The following ABCA3 variants were observed in gnomAD, a reference collection of about 807,000 sequenced individuals.
ABCA3 encodes phospholipid-transporting ATPase ABCA3.
Under a neutral mutation model 172.8 loss-of-function variants are expected in ABCA3, and 88 were observed. The ratio of observed to expected loss-of-function variants is 0.51; its 90% CI spans 0.43 to 0.61. The LOEUF (loss-of-function observed/expected upper bound fraction) is 0.61. Ranked by LOEUF, ABCA3 falls within the 20% of genes least tolerant of loss-of-function variation. The probability of loss-of-function intolerance (pLI) is 0.00; values close to 1 mark genes in which losing one functional copy is unlikely to be tolerated. For synonymous variants in ABCA3, 1,066 were observed against 983.8 expected (o/e 1.08, Z -1.56); for missense variants, 2,164 against 2,301.0 (o/e 0.94, Z 1.22).
At chr16:2,296,322 C>G (rs1415987762) in intron 17 of ABCA3, among the ~76,000 whole-genome samples, 1 of 152,096 alleles carries the variant, frequency 6.6e-6, no homozygotes, top group African/African-American at 2.4e-5. Context: ...CTTCTCCCTC[C>G]TTGGTTCAAG....
rs777816228 is a variant in ABCA3 at position 2,279,095 on chromosome 16, A to G, written c.4395T>C (p.Asp1465=). 4 of 1,612,428 alleles carry G rather than the reference A, an allele frequency of 2.5e-6. No homozygotes were observed. The highest frequency in any genetic ancestry group is 3.4e-6 in the Non-Finnish European group (4 of 1,180,026). ...RQRIGYCPQF[D]ALLDHMTGRE... is the part of the protein sequence containing the mutation. ...GGCCTGTCATGTGGTCCAGCAAGGC[A>G]TCAAACTGCGGGCAGTAGCCGATCC... The change falls in exon 29 of 33, where the codon GAT becomes GAC. Residue 1465 remains aspartate, a synonymous_variant. Transcript: ENST00000301732. This position sits in a 1 kb window ranked among gnomAD's most constrained non-coding sequence, Gnocchi z 4.4.
At chr16:2,294,559 A>G (rs1291336539) in intron 18 of ABCA3, among the ~76,000 whole-genome samples, 1 of 152,088 alleles carries the variant, frequency 6.6e-6, no homozygotes, top group African/African-American at 2.4e-5. Context: ...ATGTTGATAC[A>G]CACCTGTAGT....
Position 2,284,923 on chromosome 16 carries a change from G to A in ABCA3, c.3559C>T (p.Leu1187Phe). Reference sequence around the variant, plus strand: ...AGGGGGATGATGGCCCAGCCGTAGAGCAGGAGCAGCAGCAGGGTGTCAGCC... The same window carrying A: ...AGGGGGATGATGGCCCAGCCGTAGAACAGGAGCAGCAGCAGGGTGTCAGCC... ...HMADTLLLLL[L>F]YGWAIIPLMY... Residue 1187 changes from leucine to phenylalanine, a missense_variant, in exon 24 of 33, where the codon CTC (leucine) becomes TTC (phenylalanine). Physicochemically the swap from Leu to Phe is conservative, Grantham distance 22 (BLOSUM62 0). Transcript: ENST00000301732. This position sits in a 1 kb window ranked among gnomAD's most constrained non-coding sequence, Gnocchi z 5.9. 2 of 1,613,986 alleles carry A rather than the reference G, an allele frequency of 1.2e-6. No individual in the cohort carries two copies. Among genetic ancestry groups the A allele is most frequent in the South Asian group, 1.1e-5 (1 of 91,086 alleles).
chr16:2,301,034 T>C lies in ABCA3; in HGVS notation c.1468-886A>G, dbSNP rs535828023. On this transcript the variant is annotated intron_variant, in intron 12 of 32. Coordinates refer to ENST00000301732, the MANE Select transcript of ABCA3 (RefSeq NM_001089.3). Reference sequence around the variant, plus strand: ...TCATGAGGTCAGGAGATCGAGACCATCCTGGCTAACACGGTGAAACCCCGT... The same window carrying C: ...TCATGAGGTCAGGAGATCGAGACCACCCTGGCTAACACGGTGAAACCCCGT... Among the ~76,000 whole-genome samples, 133 of 149,164 alleles carry C rather than the reference T, an allele frequency of 8.9e-4. 2 individuals are homozygous for C. Among genetic ancestry groups the C allele is most frequent in the East Asian group, 1.6e-3 (8 of 5,058 alleles).
chr16:2,277,653 C>T lies in ABCA3; in HGVS notation c.4927G>A (p.Glu1643Lys). ...LTFPGSVLED[E>K]HQGMVHYHLP... ...TGGTAATGGACCATGCCTTGGTGCT[C>T]ATCTTCCAGGACGCTGCCTGCACAA... is the stretch of plus-strand genomic sequence containing the variant. The change falls in exon 32 of 33, where the codon GAG (glutamate) becomes AAG (lysine). Residue 1643 changes from glutamate (E) to lysine (K), a missense_variant. By Grantham distance (56) the Glu-to-Lys change is moderately conservative. Around this residue, in one of 3 missense-constraint regions of ABCA3, gnomAD observed 795 missense variants for 881.9 expected, o/e 0.90. Coordinates refer to ENST00000301732, the MANE Select transcript of ABCA3 (RefSeq NM_001089.3). The surrounding 1 kb of genome is among the most constrained non-coding windows in gnomAD (Gnocchi z 5.3). 6.2e-7 allele frequency: 1 copy of T among 1,613,208 alleles called. No homozygotes were observed. The highest frequency in any genetic ancestry group is 8.5e-7 in the Non-Finnish European group (1 of 1,180,032).
At position 2,287,942 on chromosome 16, in the gene ABCA3, C is replaced by T. The variant is rs1199608721; in HGVS notation, c.3004+84G>A. The T allele has an allele frequency of 3.3e-6, 5 of 1,538,218 alleles. No homozygotes were observed. The highest frequency in any genetic ancestry group is 3.5e-6 in the Non-Finnish European group (4 of 1,133,076). On this transcript the variant is annotated intron_variant, in intron 21 of 32. Coordinates refer to ENST00000301732, the MANE Select transcript of ABCA3 (RefSeq NM_001089.3). This position sits in a 1 kb window ranked among gnomAD's most constrained non-coding sequence, Gnocchi z 4.1. ...GCCAAGAACCATCCTCCCCAGATGT[C>T]GACCCTGCTGCAGTCAGGAAGGCGA...
rs138252808 is a variant in ABCA3 at position 2,326,860 on chromosome 16, C to T, written c.-26-368G>A. Among the ~76,000 whole-genome samples the T allele has an allele frequency of 9.0e-3, 1,366 of 152,142 alleles. 16 individuals carry two copies. Among genetic ancestry groups the T allele is most frequent in the African/African-American group, 0.03 (1,264 of 41,514 alleles). On this transcript the variant is annotated intron_variant, in intron 3 of 32. Coordinates refer to ENST00000301732, the MANE Select transcript of ABCA3 (RefSeq NM_001089.3). Reference sequence around the variant, plus strand: ...AAAATTAGCCAGGCGTGGTGGCAGGCGCCTGTAATCCCAGCTACTCGAGAG... The same window carrying T: ...AAAATTAGCCAGGCGTGGTGGCAGGTGCCTGTAATCCCAGCTACTCGAGAG...
chr16:2,292,616 A>C (rs2093673798), intron 18 of ABCA3, among the ~76,000 whole-genome samples: 1 of 151,498 alleles, frequency 6.6e-6, no homozygotes, highest in Non-Finnish European at 1.5e-5. Flanking sequence ...TAAATAAATA[A>C]ATAAAATTAA....
Position 2,286,561 on chromosome 16 carries a change from A to G in ABCA3, c.3278+133T>C, listed in dbSNP as rs1458530876. 2.0e-5 allele frequency: 24 copies of G among 1,210,332 alleles called. No individual in the cohort carries two copies. The highest frequency in any genetic ancestry group is 2.7e-5 in the Non-Finnish European group (23 of 867,364). 75.0% of individuals were successfully genotyped at this position (1,210,332 alleles called of 1,614,324 possible). On this transcript the variant is annotated intron_variant, in intron 22 of 32. Coordinates refer to ENST00000301732, the MANE Select transcript of ABCA3 (RefSeq NM_001089.3). This position sits in a 1 kb window ranked among gnomAD's most constrained non-coding sequence, Gnocchi z 5.2. Reference sequence around the variant, plus strand: ...TGTGGATGGTGGAGGAGGATGTGGCAGGGGTTTCCCACCAGACCCAGGGGC... The same window carrying G: ...TGTGGATGGTGGAGGAGGATGTGGCGGGGGTTTCCCACCAGACCCAGGGGC...
intron 12 of ABCA3, among the ~76,000 whole-genome samples, chr16:2,302,809 G>A (rs2093691578): frequency 7.0e-6 from 1 of 142,052 alleles, no homozygotes; most frequent in Admixed American, 7.3e-5. Flanking sequence ...TTTTTTTTGA[G>A]ATGGAGTCTC....
chr16:2,319,513 C>G lies in ABCA3; in HGVS notation c.873+68G>C, dbSNP rs866496960. Reference sequence around the variant, plus strand: ...AAAAAAAAAATACTAAAACACCAAGCCTTTGGACATGGCCTCCCCAGGACA... The same window carrying G: ...AAAAAAAAAATACTAAAACACCAAGGCTTTGGACATGGCCTCCCCAGGACA... On this transcript the variant is annotated intron_variant, in intron 8 of 32. Transcript: ENST00000301732. The G allele has an allele frequency of 6.1e-5, 96 of 1,574,080 alleles. 3 individuals are homozygous for G. The highest frequency in any genetic ancestry group is 5.6e-4 in the South Asian group (49 of 88,186).
intron 13 of ABCA3, 32 bp from the exon 14 acceptor site, chr16:2,299,564 C>T (rs1389272695): frequency 6.2e-7 from 1 of 1,610,336 alleles, no homozygotes; most frequent in Admixed American, 1.7e-5. Context: ...CCCTGGGCTA[C>T]CCACAGCCCC....
At position 2,277,724 on chromosome 16, in the gene ABCA3, G is replaced by C; in HGVS notation, c.4910-54C>G. On this transcript the variant is annotated intron_variant, in intron 31 of 32. Transcript: ENST00000301732. The surrounding 1 kb of genome is among the most constrained non-coding windows in gnomAD (Gnocchi z 5.3). ...GAGCGCCGGGCTGGAGGATCGGGGA[G>C]GGTGCCTGGGTGCTCAGCACTGGAG... The C allele has an allele frequency of 6.2e-7, 1 of 1,606,472 alleles. No individual in the cohort carries two copies. Among genetic ancestry groups the C allele is most frequent in the Non-Finnish European group, 8.5e-7 (1 of 1,175,882 alleles).
At chr16:2,317,473 C>G in intron 9 of ABCA3, 70 bp from the exon 10 acceptor site, 1 of 1,606,262 alleles carries the variant, frequency 6.2e-7, no homozygotes, top group African/African-American at 1.3e-5. Flanking sequence ...CCTGACCATC[C>G]CTGGTCACAG....
In ABCA3 at chr16:2,308,406, GTT is replaced by G. The variant is rs771697020; in HGVS notation, c.1285+42_1285+43del. 20 of 1,612,578 alleles carry G rather than the reference GTT, an allele frequency of 1.2e-5. No homozygotes were observed. In the African/African-American group the frequency reaches 2.4e-4, roughly 19 times the overall value. Reference sequence around the variant, plus strand: ...CTCTTGTGGTTGGGTGCTCTCGAAGGTTACTGATTCGGAAAGAACAGGCTGGA... The same window carrying G: ...CTCTTGTGGTTGGGTGCTCTCGAAGGACTGATTCGGAAAGAACAGGCTGGA... On this transcript the variant is annotated intron_variant, in intron 11 of 32. Transcript: ENST00000301732.
At position 2,281,617 on chromosome 16, in the gene ABCA3, T is replaced by G; in HGVS notation, c.4036-108A>C. The G allele has an allele frequency of 7.2e-7, 1 of 1,383,412 alleles. No homozygotes were observed. Among genetic ancestry groups the G allele is most frequent in the African/African-American group, 1.4e-5 (1 of 70,472 alleles). The allele number at this position is 1,383,412 out of a possible 1,614,324, so 85.7% of individuals were successfully genotyped here. A position where few individuals can be genotyped will look rare whatever the true frequency, so the allele number is the denominator to read the frequency against. ...TGGGAGGTCTGGTGGGACTAAGGCC[T>G]TCAAGGCTTCTCGTCCCAATCTCAG... On this transcript the variant is annotated intron_variant, in intron 26 of 32. Coordinates refer to ENST00000301732, the MANE Select transcript of ABCA3 (RefSeq NM_001089.3). This position sits in a 1 kb window ranked among gnomAD's most constrained non-coding sequence, Gnocchi z 4.7.
At chr16:2,313,264 AC>A (rs1215170751) in intron 10 of ABCA3, among the ~76,000 whole-genome samples, 1 of 151,858 alleles carries the variant, frequency 6.6e-6, no homozygotes, top group Non-Finnish European at 1.5e-5. Context: ...TCACTATAAG[AC>A]CATCTGGGGC....
chr16:2,280,852 G>A (rs1045399190), intron 28 of ABCA3, among the ~76,000 whole-genome samples, 175 bp downstream of exon 28: 4 of 152,182 alleles, frequency 2.6e-5, no homozygotes, highest in African/African-American at 7.2e-5. Flanking sequence ...TAGTTCTGGC[G>A]AAGCTTAGCT....
intron 7 of ABCA3, chr16:2,323,275 T>C: frequency 1.7e-6 from 1 of 575,352 alleles, no homozygotes. Flanking sequence ...GAACTAGAAA[T>C]ACCATTTGAC....
Sources: gnomAD v4.1 joint callset for allele counts (sites outside exome capture counted in the v4.1 genomes callset) on GRCh38, gnomAD v4.1.1 for gene constraint, gnomAD v4.1.1 regional missense constraint, Gnocchi (gnomAD v3.1) non-coding constraint, MANE v1.5 for transcripts, NCBI Gene and HGNC (gene_info 2026-07-23, HGNC 2026-07-21) for gene names.